TNKS2: variants seen among roughly 807,000 people sequenced by gnomAD.
TNKS2 encodes the protein tankyrase 2, also known as poly [ADP-ribose] polymerase tankyrase-2.
Under a neutral mutation model 137.6 loss-of-function variants are expected in TNKS2, and 72 were observed. That is an observed-to-expected ratio of 0.52 (90% CI 0.43 to 0.64). The LOEUF is 0.64. Ranked by LOEUF, TNKS2 falls within the 30% of genes least tolerant of loss-of-function variation. The probability of loss-of-function intolerance (pLI) is 0.00; values close to 1 mark genes in which losing one functional copy is unlikely to be tolerated. For missense variants in TNKS2, 1,049 were observed against 1,410.2 expected (o/e 0.74, Z 4.10); for synonymous variants, 516 against 512.1 (o/e 1.01, Z -0.10).
chr10:91,841,077 G>A (rs140606833), intron 14 of TNKS2, among the ~76,000 whole-genome samples: 16 of 152,134 alleles, frequency 1.1e-4, no homozygotes, highest in Non-Finnish European at 1.8e-4. Context: ...GAATGTTATA[G>A]TCTCTGCATT....
intron 18 of TNKS2, among the ~76,000 whole-genome samples, chr10:91,848,153 T>C (rs1842435364): frequency 6.6e-6 from 1 of 152,164 alleles, no homozygotes; most frequent in Non-Finnish European, 1.5e-5. Context: ...TCCAAAATGC[T>C]CCAATAAACA....
At chr10:91,832,607 G>C (rs1250607936) in intron 11 of TNKS2, among the ~76,000 whole-genome samples, 5 of 151,964 alleles carry the variant, frequency 3.3e-5, no homozygotes, top group Admixed American at 3.3e-4. Flanking sequence ...TCATACTCTA[G>C]TTTTAGGTTC....
chr10:91,848,349 T>C (rs1842444738), intron 18 of TNKS2, 34 bp from the exon 19 acceptor site: 1 of 1,592,900 alleles, frequency 6.3e-7, no homozygotes, highest in Admixed American at 1.8e-5. Flanking sequence ...TAAAACTTGC[T>C]TATGGCAGAT....
At chr10:91,849,322 C>T (rs1414878192) in intron 19 of TNKS2, among the ~76,000 whole-genome samples, 190 bp from the exon 20 acceptor site, 1 of 152,208 alleles carries the variant, frequency 6.6e-6, no homozygotes, top group Non-Finnish European at 1.5e-5. Flanking sequence ...AGTACTGAGA[C>T]TGCCCCATTG....
intron 6 of TNKS2, among the ~76,000 whole-genome samples, chr10:91,821,278 T>C (rs1263190277): frequency 2.0e-5 from 3 of 152,008 alleles, no homozygotes; most frequent in Non-Finnish European, 4.4e-5. Flanking sequence ...GGTGATCACC[T>C]GGCTCGGCCT....
At chr10:91,823,351 G>C (rs1443327646) in intron 7 of TNKS2, among the ~76,000 whole-genome samples, 2 of 79,662 alleles carry the variant, frequency 2.5e-5, no homozygotes, top group Non-Finnish European at 4.7e-5. Context: ...TTTTTGAGAC[G>C]GAGTCTCGCT....
Position 91,848,565 on chromosome 10 carries a change from T to C in TNKS2, c.2541T>C (p.Ser847=). ...AASSLDNLSG[S]FSELSSVVSS... ...GCAGTCTTGACAACTTATCTGGGAG[T>C]TTTTCAGAACTGTCTTCAGTAGTTA... The change falls in exon 19 of 27, where the codon AGT becomes AGC. Residue 847 remains serine, a synonymous_variant. Transcript: ENST00000371627. 1 of 1,613,612 alleles carries C rather than the reference T, an allele frequency of 6.2e-7. No homozygotes were observed. Among genetic ancestry groups the C allele is most frequent in the South Asian group, 1.1e-5 (1 of 91,052 alleles).
At chr10:91,812,111 T>C (rs1198105011) in intron 1 of TNKS2, among the ~76,000 whole-genome samples, 1 of 151,260 alleles carries the variant, frequency 6.6e-6, no homozygotes, top group African/African-American at 2.4e-5. Context: ...GAGTGAGCAG[T>C]TCCTTTCTCT....
In TNKS2 at chr10:91,842,249, T is replaced by C. The variant is rs1842230167; in HGVS notation, c.1917T>C (p.Ile639=). The C allele has an allele frequency of 6.2e-7, 1 of 1,613,980 alleles. No individual in the cohort carries two copies. Among genetic ancestry groups the C allele is most frequent in the African/African-American group, 1.3e-5 (1 of 74,918 alleles). Residue 639 remains isoleucine (I), a synonymous_variant, in exon 16 of 27, where the codon ATT becomes ATC. Coordinates refer to ENST00000371627, the MANE Select transcript of TNKS2 (RefSeq NM_025235.4). Reference sequence around the variant, plus strand: ...TTGTTAAAGATGGAGATACAGATATTCAAGATCTGCTTAGGGGAGATGCAG... The same window carrying C: ...TTGTTAAAGATGGAGATACAGATATCCAAGATCTGCTTAGGGGAGATGCAG... ...LDLVKDGDTD[I]QDLLRGDAAL...
chr10:91,832,766 GGAGGTAGGGATAAC>G (rs1357765614), intron 11 of TNKS2, among the ~76,000 whole-genome samples: 1 of 152,064 alleles, frequency 6.6e-6, no homozygotes, highest in Non-Finnish European at 1.5e-5. Context: ...TCCATAGCAG[GGAGGTAGGGATAAC>G]GTTGGTGGAG....
rs1255923879 is a variant in TNKS2 at position 91,815,679 on chromosome 10, A to G, written c.425-1455A>G. Among the ~76,000 whole-genome samples the G allele has an allele frequency of 2.6e-5, 4 of 152,156 alleles. 1 individual carries two copies. Among genetic ancestry groups the G allele is most frequent in the Non-Finnish European group, 1.5e-5 (1 of 68,030 alleles). On this transcript the variant is annotated intron_variant, in intron 2 of 26. Coordinates refer to ENST00000371627, the MANE Select transcript of TNKS2 (RefSeq NM_025235.4). ...TGGATGTATTAGGTGAAATCTGTTC[A>G]AATTAATTTGAACTGTTTCTTTTTT...
Position 91,862,226 on chromosome 10 carries a change from G to C in TNKS2, c.3438+71G>C, listed in dbSNP as rs567535192. The C allele has an allele frequency of 1.0e-5, 13 of 1,246,692 alleles. 1 individual carries two copies. The highest frequency in any genetic ancestry group is 5.6e-5 in the Admixed American group (2 of 35,766). The allele number at this position is 1,246,692 out of a possible 1,614,324, so 77.2% of individuals were successfully genotyped here. ...TACTTTAACTTTTTATTAATCTCTT[G>C]AATTGACAAGACATATTGCCTTAAC... On this transcript the variant is annotated intron_variant, in intron 26 of 26. Coordinates refer to ENST00000371627, the MANE Select transcript of TNKS2 (RefSeq NM_025235.4).
chr10:91,829,680 T>A (rs1845178177), intron 9 of TNKS2, among the ~76,000 whole-genome samples: 1 of 152,174 alleles, frequency 6.6e-6, no homozygotes, highest in South Asian at 2.1e-4. Flanking sequence ...CCAATTAGAA[T>A]TGGTTTTATT....
intron 8 of TNKS2, 91 bp from the exon 9 acceptor site, chr10:91,828,193 GA>G: frequency 7.7e-7 from 1 of 1,299,206 alleles, no homozygotes; most frequent in Non-Finnish European, 1.0e-6. Context: ...AGATTATTTT[GA>G]AAATAATTTC....
chr10:91,822,504 TAG>T (rs1844922767), intron 7 of TNKS2, 142 bp downstream of exon 7: 1 of 626,644 alleles, frequency 1.6e-6, no homozygotes, highest in Admixed American at 2.8e-5. Context: ...TTATAAAATA[TAG>T]GTGACTGATA....
rs1358163858 is a variant in TNKS2, at chr10:91,812,990, G to A, written c.207G>A (p.Gly69=). 3 of 1,613,776 alleles carry A rather than the reference G, an allele frequency of 1.9e-6. No homozygotes were observed. The highest frequency in any genetic ancestry group is 2.7e-5 in the African/African-American group (2 of 74,858). The change falls in exon 2 of 27, where the codon GGG becomes GGA. Residue 69 remains glycine (G), a synonymous_variant. Coordinates refer to ENST00000371627, the MANE Select transcript of TNKS2 (RefSeq NM_025235.4). ...CAATTTGTTTTCATCTAGGTTTTGG[G>A]CGGAAAGACGTAGTTGAATATTTGC... ...STPLHFAAGF[G]RKDVVEYLLQ...
chr10:91,817,277 C>T (rs1199657837), intron 3 of TNKS2, 48 bp downstream of exon 3: 2 of 1,433,410 alleles, frequency 1.4e-6, no homozygotes, highest in Non-Finnish European at 1.9e-6. Context: ...AAAGAACAAC[C>T]TTGCCAGGTA....
intron 14 of TNKS2, 27 bp downstream of exon 14, chr10:91,840,733 C>T (rs750139159): frequency 2.5e-6 from 4 of 1,574,522 alleles, no homozygotes; most frequent in Admixed American, 3.7e-5. Flanking sequence ...GTTATGGACT[C>T]TCTTCCTTAC....
At chr10:91,838,904 G>A (rs1475387883) in intron 13 of TNKS2, among the ~76,000 whole-genome samples, 1 of 152,154 alleles carries the variant, frequency 6.6e-6, no homozygotes, top group Non-Finnish European at 1.5e-5. Flanking sequence ...TTTCACTCTT[G>A]TTGCCCAGGC....
Sources: gnomAD v4.1 joint callset for allele counts (sites outside exome capture counted in the v4.1 genomes callset) on GRCh38, gnomAD v4.1.1 for gene constraint, MANE v1.5 for transcripts, NCBI Gene and HGNC (gene_info 2026-07-23, HGNC 2026-07-21) for gene names.